Variants in ZNF609 observed in about 807,000 individuals in gnomAD.
The protein encoded by ZNF609 is zinc finger protein 609.
ZNF609 carries 11 observed loss-of-function variants against 109.5 expected under a neutral mutation model. That is an observed-to-expected ratio of 0.10 (90% confidence interval 0.06 to 0.17). ZNF609 has a LOEUF of 0.17. Ranked by LOEUF, ZNF609 falls within the 10% of genes least tolerant of loss-of-function variation. The pLI, the probability that ZNF609 is intolerant of heterozygous loss-of-function variation, is 1.00. For missense variants in ZNF609, 1,559 were observed against 1,772.4 expected (o/e 0.88, Z 2.16); for synonymous variants, 646 against 662.0 (o/e 0.98, Z 0.37).
At chr15:64,562,709 A>G (rs1370808072) in intron 2 of ZNF609, among the ~76,000 whole-genome samples, 3 of 149,326 alleles carry the variant, frequency 2.0e-5, no homozygotes, top group Non-Finnish European at 4.4e-5. Flanking sequence ...TCGTAATTAA[A>G]CTATAGCCCG....
intron 2 of ZNF609, among the ~76,000 whole-genome samples, chr15:64,544,377 T>G (rs1443703061): frequency 6.6e-6 from 1 of 152,114 alleles, no homozygotes; most frequent in Non-Finnish European, 1.5e-5. Context: ...CTCATTTAAG[T>G]AATAATCGTT....
chr15:64,505,406 T>C (rs1893620908), intron 2 of ZNF609, among the ~76,000 whole-genome samples: 1 of 152,210 alleles, frequency 6.6e-6, no homozygotes, highest in African/African-American at 2.4e-5. Flanking sequence ...TTGTGGATAT[T>C]ACTAAGTATT....
intron 2 of ZNF609, among the ~76,000 whole-genome samples, chr15:64,531,780 A>G (rs559914554): frequency 2.6e-5 from 4 of 152,138 alleles, no homozygotes; most frequent in Admixed American, 1.3e-4. Flanking sequence ...AAGACTTGGG[A>G]AAAAAAATTA....
At chr15:64,662,832 A>G (rs1162691585) in intron 3 of ZNF609, among the ~76,000 whole-genome samples, 3 of 151,654 alleles carry the variant, frequency 2.0e-5, no homozygotes, top group African/African-American at 7.3e-5. Flanking sequence ...CTGCCCGGCT[A>G]ATTTTTGTAT....
intron 1 of ZNF609, among the ~76,000 whole-genome samples, chr15:64,483,109 C>T (rs1446219360): frequency 1.3e-5 from 2 of 150,806 alleles, no homozygotes; most frequent in Non-Finnish European, 3.0e-5. Flanking sequence ...TTTTTTTTCC[C>T]CCTGAGATGG....
chr15:64,616,492 A>G (rs981966155), intron 2 of ZNF609, among the ~76,000 whole-genome samples: 1 of 139,586 alleles, frequency 7.2e-6, no homozygotes, highest in Non-Finnish European at 1.5e-5. Context: ...TGAGATCCTT[A>G]TATATGTTAT....
chr15:64,533,844 G>A (rs1894097102), intron 2 of ZNF609, among the ~76,000 whole-genome samples: 1 of 152,112 alleles, frequency 6.6e-6, no homozygotes, highest in South Asian at 2.1e-4. Context: ...CAGGTAATGG[G>A]CATTGATACA....
chr15:64,582,283 G>T (rs1895116578), intron 2 of ZNF609, among the ~76,000 whole-genome samples: 1 of 152,114 alleles, frequency 6.6e-6, no homozygotes, highest in Non-Finnish European at 1.5e-5. Context: ...GGTATTTATT[G>T]TCTAACCCTT....
At chr15:64,629,147 TC>T (rs1896023513) in intron 3 of ZNF609, among the ~76,000 whole-genome samples, 1 of 152,196 alleles carries the variant, frequency 6.6e-6, no homozygotes, top group Admixed American at 6.5e-5. Flanking sequence ...CAGTCTCTCT[TC>T]CTTCTTGTAT....
intron 2 of ZNF609, among the ~76,000 whole-genome samples, chr15:64,581,286 C>A (rs770263406): frequency 2.0e-5 from 3 of 152,040 alleles, no homozygotes; most frequent in Non-Finnish European, 2.9e-5. Context: ...CAGCCCTGGG[C>A]ATGTATACGT....
At chr15:64,591,805 G>A (rs149130853) in intron 2 of ZNF609, among the ~76,000 whole-genome samples, 122 of 151,798 alleles carry the variant, frequency 8.0e-4, no homozygotes, top group African/African-American at 2.7e-3. Context: ...ACCGTGCACC[G>A]GGTTCAAGTG....
intron 1 of ZNF609, among the ~76,000 whole-genome samples, chr15:64,462,049 A>G (rs1190061706): frequency 6.6e-6 from 1 of 152,212 alleles, no homozygotes; most frequent in Admixed American, 6.5e-5. Context: ...CCTATTGTGT[A>G]CACAGTGAAG....
chr15:64,528,762 C>T, intron 2 of ZNF609: 1 of 905,628 alleles, frequency 1.1e-6, no homozygotes, highest in Non-Finnish European at 1.8e-6. Flanking sequence ...ACAGAGTGGT[C>T]CTTGAGGACA....
intron 2 of ZNF609, among the ~76,000 whole-genome samples, chr15:64,619,737 G>A (rs1895850593): frequency 6.6e-6 from 1 of 152,202 alleles, no homozygotes. Flanking sequence ...TCATGTGTAT[G>A]AGTCTGTTCT....
chr15:64,487,493 A>T (rs571413711), intron 1 of ZNF609, among the ~76,000 whole-genome samples: 15 of 152,306 alleles, frequency 9.8e-5, no homozygotes, highest in African/African-American at 3.4e-4. Context: ...TTCAAGATAT[A>T]GAACATTTAT....
chr15:64,581,369 C>G (rs1895101495), intron 2 of ZNF609, among the ~76,000 whole-genome samples: 1 of 152,030 alleles, frequency 6.6e-6, no homozygotes, highest in African/African-American at 2.4e-5. Context: ...AAACATACGG[C>G]TTTCTAGATT....
chr15:64,468,009 C>CTT (rs796251076), intron 1 of ZNF609, among the ~76,000 whole-genome samples: 5 of 143,282 alleles, frequency 3.5e-5, no homozygotes, highest in African/African-American at 2.5e-5. Flanking sequence ...TACTAGTATG[C>CTT]TTTTTTTTTT....
intron 2 of ZNF609, among the ~76,000 whole-genome samples, chr15:64,563,525 C>A (rs935382175): frequency 2.0e-5 from 3 of 151,868 alleles, no homozygotes; most frequent in Non-Finnish European, 4.4e-5. Flanking sequence ...GCCTGTAATC[C>A]CGGCACTTGG....
chr15:64,515,880 G>T (rs1322911155), intron 2 of ZNF609, among the ~76,000 whole-genome samples: 2 of 151,430 alleles, frequency 1.3e-5, no homozygotes, highest in Non-Finnish European at 2.9e-5. Context: ...GGGGGTTGCA[G>T]TGAGCTGAGA....
Sources: gnomAD v4.1 joint callset for allele counts (sites outside exome capture counted in the v4.1 genomes callset) on GRCh38, gnomAD v4.1.1 for gene constraint, MANE v1.5 for transcripts, NCBI Gene and HGNC (gene_info 2026-07-23, HGNC 2026-07-21) for gene names.